Variants in AGAP1 observed in about 807,000 individuals in gnomAD.
AGAP1 encodes arf-GAP with GTPase, ANK repeat and PH domain-containing protein 1.
A neutral mutation model predicts 105.3 loss-of-function variants in AGAP1; 29 were observed. That is an observed-to-expected ratio of 0.28 (90% CI 0.21 to 0.38). AGAP1 has a LOEUF of 0.38. Among genes scored for constraint, AGAP1 ranks in the 10% least tolerant of loss-of-function variants. The pLI is 1.00. For missense variants in AGAP1, 998 were observed against 1,165.1 expected, an observed-to-expected ratio of 0.86 and a Z score of 2.09; for synonymous variants, 509 against 485.9, an observed-to-expected ratio of 1.05 and a Z score of -0.63.
rs1490684131 is a variant in AGAP1 at position 235,754,906 on chromosome 2, TG to T, written c.673+4420del. 6.6e-6 allele frequency among the ~76,000 whole-genome samples: 1 copy of T among 152,250 alleles called. No homozygotes were observed. Among genetic ancestry groups the T allele is most frequent in the Non-Finnish European group, 1.5e-5 (1 of 68,038 alleles). ...CTTGCTCAGGGGTGGAAAAGAAGTG[TG>T]GCAGCCCAGGCTGCTTTCTGGGGGT... On this transcript the variant is annotated intron_variant, in intron 6 of 17. Transcript: ENST00000304032. The surrounding 1 kb of genome is among the most constrained non-coding windows in gnomAD (Gnocchi z 4.6).
In AGAP1 at chr2:235,799,413, C is replaced by T. The variant is rs1434084594; in HGVS notation, c.848C>T (p.Pro283Leu). 1 of 1,614,022 alleles carries T rather than the reference C, an allele frequency of 6.2e-7. No homozygotes were observed. Among genetic ancestry groups the T allele is most frequent in the African/African-American group, 1.3e-5 (1 of 74,900 alleles). Residue 283 changes from proline to leucine, a missense_variant, in exon 8 of 18, where the codon CCA becomes CTA. Coordinates refer to ENST00000304032, the MANE Select transcript of AGAP1 (RefSeq NM_001037131.3). This position sits in a 1 kb window ranked among gnomAD's most constrained non-coding sequence, Gnocchi z 5.0. ...GSLSDYSSSV[P>L]STPSTSQKEL... ...TTAAGCGACTATTCCTCCTCCGTTC[C>T]ATCGACTCCCAGCACCAGCCAGAAG...
intron 6 of AGAP1, among the ~76,000 whole-genome samples, chr2:235,781,294 A>G (rs1409573579): frequency 6.6e-6 from 1 of 152,206 alleles, no homozygotes; most frequent in Non-Finnish European, 1.5e-5. Flanking sequence ...CTTTGGTGCA[A>G]TAAATCTGTC....
At chr2:235,735,905 G>A (rs531455565) in intron 3 of AGAP1, among the ~76,000 whole-genome samples, 24 of 152,146 alleles carry the variant, frequency 1.6e-4, no homozygotes, top group East Asian at 9.7e-4. Flanking sequence ...GTATCCCCAA[G>A]TAGCTCGGGC....
Position 236,015,371 on chromosome 2 carries a change from A to G in AGAP1, c.1646-21190A>G, listed in dbSNP as rs544193050. Among the ~76,000 whole-genome samples, 19 of 114,764 alleles carry G rather than the reference A, an allele frequency of 1.7e-4. No homozygotes were observed. In the South Asian group the frequency reaches 3.2e-3, roughly 19 times the overall value. The allele number at this position is 114,764 out of a possible 152,430, so 75.3% of individuals were successfully genotyped here. ...ATCCACAGGCAGGCAGGCCCGGGCC[A>G]TTTGCATGGGCTGCTATTTGCTTGT... On this transcript the variant is annotated intron_variant, in intron 13 of 17. Transcript: ENST00000304032.
intron 9 of AGAP1, among the ~76,000 whole-genome samples, chr2:235,816,498 T>C (rs934450553): frequency 4.0e-5 from 6 of 151,022 alleles, no homozygotes; most frequent in Non-Finnish European, 5.9e-5. Context: ...AGGTCAGACT[T>C]AGGAGGCCTT....
At chr2:235,902,658 C>T (rs116057564) in intron 10 of AGAP1, among the ~76,000 whole-genome samples, 1,592 of 152,248 alleles carry the variant, frequency 0.01, 32 homozygotes, top group African/African-American at 0.037. Flanking sequence ...AACTGAAAAC[C>T]AGAGTCAGTC....
chr2:236,007,983 C>T (rs1276155368), intron 13 of AGAP1, among the ~76,000 whole-genome samples: 2 of 152,246 alleles, frequency 1.3e-5, no homozygotes, highest in Non-Finnish European at 2.9e-5. Context: ...CATTTTACTC[C>T]ACACGTCATT....
Position 235,807,316 on chromosome 2 carries a change from C to T in AGAP1, c.1035C>T (p.Ala345=), listed in dbSNP as rs747757907. 3.1e-6 allele frequency: 5 copies of T among 1,597,336 alleles called. No individual in the cohort carries two copies. In the African/African-American group the frequency reaches 5.5e-5, roughly 17 times the overall value. ...CGGACAGCATTGGGAGCGGCCGAGC[C>T]ATCCCAATTAAACAGGTGAGCAGCC... ...SRADSIGSGR[A]IPIKQGMLLK... Residue 345 remains alanine, a synonymous_variant, in exon 9 of 18, where the codon GCC becomes GCT. Transcript: ENST00000304032.
Position 235,817,038 on chromosome 2 carries a change from T to A in AGAP1, c.1050+9707T>A, listed in dbSNP as rs545882915. Reference sequence around the variant, plus strand: ...AACTTGGACTGTGGAATAGGACTTCTCCCAAGCTGAGTTTTGTCCTTTGTG... The same window carrying A: ...AACTTGGACTGTGGAATAGGACTTCACCCAAGCTGAGTTTTGTCCTTTGTG... On this transcript the variant is annotated intron_variant, in intron 9 of 17. Coordinates refer to ENST00000304032, the MANE Select transcript of AGAP1 (RefSeq NM_001037131.3). Among the ~76,000 whole-genome samples the A allele has an allele frequency of 3.9e-5, 6 of 152,324 alleles. No homozygotes were observed. In the East Asian group the frequency reaches 1.2e-3, roughly 29 times the overall value.
intron 1 of AGAP1, among the ~76,000 whole-genome samples, chr2:235,627,013 A>G (rs1301223423): frequency 2.0e-5 from 3 of 152,112 alleles, no homozygotes; most frequent in Non-Finnish European, 4.4e-5. Flanking sequence ...TTCACTGTTC[A>G]CATAACGTAA....
chr2:235,941,849 T>TGG (rs36056186), intron 12 of AGAP1, among the ~76,000 whole-genome samples: 258 of 150,954 alleles, frequency 1.7e-3, no homozygotes, highest in Admixed American at 3.2e-3. Context: ...GCTTTGTTGT[T>TGG]GGGGGGGTAA....
In AGAP1 at chr2:235,893,732, G is replaced by C. The variant is rs571056449; in HGVS notation, c.1155+10283G>C. Among the ~76,000 whole-genome samples the C allele has an allele frequency of 3.3e-5, 5 of 152,156 alleles. No homozygotes were observed. Among genetic ancestry groups the C allele is most frequent in the Non-Finnish European group, 5.9e-5 (4 of 68,030 alleles). On this transcript the variant is annotated intron_variant, in intron 10 of 17. Transcript: ENST00000304032. The surrounding 1 kb of genome is among the most constrained non-coding windows in gnomAD (Gnocchi z 4.7). Reference sequence around the variant, plus strand: ...GTTCCCCACAGTCTGCCCAGGGGCTGTCATGTGAGTGGCACATAGGTATTG... The same window carrying C: ...GTTCCCCACAGTCTGCCCAGGGGCTCTCATGTGAGTGGCACATAGGTATTG...
At chr2:236,018,311 T>C (rs965175455) in intron 13 of AGAP1, among the ~76,000 whole-genome samples, 2 of 152,206 alleles carry the variant, frequency 1.3e-5, no homozygotes, top group African/African-American at 4.8e-5. Context: ...ACCAGATGAC[T>C]GAGGCTAGAC....
In AGAP1 at chr2:235,801,855, G is replaced by T. The variant is rs1184384809; in HGVS notation, c.957+2333G>T. Among the ~76,000 whole-genome samples the T allele has an allele frequency of 2.0e-5, 3 of 152,016 alleles. No homozygotes were observed. Among genetic ancestry groups the T allele is most frequent in the Non-Finnish European group, 4.4e-5 (3 of 68,020 alleles). Reference sequence around the variant, plus strand: ...GCCACATTTTCTGCTTGTTGACTTTGCTTTCTCTTTTAAGGAGAGAAATTT... The same window carrying T: ...GCCACATTTTCTGCTTGTTGACTTTTCTTTCTCTTTTAAGGAGAGAAATTT... On this transcript the variant is annotated intron_variant, in intron 8 of 17. Coordinates refer to ENST00000304032, the MANE Select transcript of AGAP1 (RefSeq NM_001037131.3). The surrounding 1 kb of genome is among the most constrained non-coding windows in gnomAD (Gnocchi z 6.0).
rs1055689355 is a variant in AGAP1 at position 235,864,305 on chromosome 2, G to A, written c.1051-19040G>A. On this transcript the variant is annotated intron_variant, in intron 9 of 17. Coordinates refer to ENST00000304032, the MANE Select transcript of AGAP1 (RefSeq NM_001037131.3). The surrounding 1 kb of genome is among the most constrained non-coding windows in gnomAD (Gnocchi z 5.0). Reference sequence around the variant, plus strand: ...TGCCCCCATCATGTGAAGGGGTTCGGCTCACTCTGTGGCCGGCCTGGAGGC... The same window carrying A: ...TGCCCCCATCATGTGAAGGGGTTCGACTCACTCTGTGGCCGGCCTGGAGGC... 1.3e-5 allele frequency among the ~76,000 whole-genome samples: 2 copies of A among 152,226 alleles called. No individual in the cohort carries two copies. Among genetic ancestry groups the A allele is most frequent in the African/African-American group, 2.4e-5 (1 of 41,446 alleles).
chr2:235,567,300 G>A (rs1018182813), intron 1 of AGAP1, among the ~76,000 whole-genome samples: 4 of 152,246 alleles, frequency 2.6e-5, no homozygotes, highest in Non-Finnish European at 5.9e-5. Flanking sequence ...AGGCGGAGCG[G>A]TGTTTGTTCA....
rs1364686070 is a variant in AGAP1 at position 235,877,522 on chromosome 2, C to T, written c.1051-5823C>T. The stretch of plus-strand genomic sequence containing the variant: ...TTTCGTGTACAGCATGCGGTGCCTT[C>T]CCCGGGGGTTAACTTGTTCTCAGAG... On this transcript the variant is annotated intron_variant, in intron 9 of 17. Transcript: ENST00000304032. The surrounding 1 kb of genome is among the most constrained non-coding windows in gnomAD (Gnocchi z 4.3). Among the ~76,000 whole-genome samples the T allele has an allele frequency of 6.6e-6, 1 of 152,052 alleles. No individual in the cohort carries two copies. The highest frequency in any genetic ancestry group is 1.5e-5 in the Non-Finnish European group (1 of 68,018).
At chr2:235,839,410 C>T (rs1373963698) in intron 9 of AGAP1, among the ~76,000 whole-genome samples, 1 of 152,146 alleles carries the variant, frequency 6.6e-6, no homozygotes, top group African/African-American at 2.4e-5. Flanking sequence ...TCTAGTGTTT[C>T]CCATTTAAAG....
chr2:235,866,730 C>G lies in AGAP1; in HGVS notation c.1051-16615C>G, dbSNP rs2049187998. On this transcript the variant is annotated intron_variant, in intron 9 of 17. Transcript: ENST00000304032. The surrounding 1 kb of genome is among the most constrained non-coding windows in gnomAD (Gnocchi z 6.1). ...GGCTGGAAGTCTTGGATCAAGGCCT[C>G]AGTGGGATTGGCTTCTCCTGAAGCC... 6.6e-6 allele frequency among the ~76,000 whole-genome samples: 1 copy of G among 152,222 alleles called. No individual in the cohort carries two copies. The highest frequency in any genetic ancestry group is 1.5e-5 in the Non-Finnish European group (1 of 68,046).
Sources: gnomAD v4.1 joint callset for allele counts (sites outside exome capture counted in the v4.1 genomes callset) on GRCh38, gnomAD v4.1.1 for gene constraint, Gnocchi (gnomAD v3.1) non-coding constraint, MANE v1.5 for transcripts, NCBI Gene and HGNC (gene_info 2026-07-23, HGNC 2026-07-21) for gene names.